The following SDK1 variants were observed in gnomAD, a reference collection of about 807,000 sequenced individuals.
The protein encoded by SDK1 is protein sidekick-1.
In SDK1, 157 loss-of-function variants were observed where a neutral mutation model predicts 245.5. That is an observed-to-expected ratio of 0.64 (90% CI 0.56 to 0.73). SDK1 has a LOEUF of 0.73. SDK1 is among the 30% of genes least tolerant of loss of function. SDK1 has a pLI of 0.00. For missense variants in SDK1, 3,583 were observed against 3,002.3 expected, an observed-to-expected ratio of 1.19 and a Z score of -4.52; for synonymous variants, 1,647 against 1,278.5, an observed-to-expected ratio of 1.29 and a Z score of -6.15.
chr7:4,055,839 C>T (rs902160714), intron 19 of SDK1, among the ~76,000 whole-genome samples: 3 of 152,060 alleles, frequency 2.0e-5, no homozygotes, highest in Non-Finnish European at 4.4e-5. Flanking sequence ...CTTTCATTTT[C>T]ATCCAGTTCT....
intron 8 of SDK1, among the ~76,000 whole-genome samples, chr7:3,960,722 C>G (rs1375555900): frequency 2.0e-5 from 3 of 152,144 alleles, no homozygotes; most frequent in African/African-American, 7.2e-5. Flanking sequence ...CTTCTCTGTT[C>G]CAGCTCTACT....
chr7:3,912,780 C>T (rs1459671518), intron 5 of SDK1, among the ~76,000 whole-genome samples: 1 of 152,232 alleles, frequency 6.6e-6, no homozygotes, highest in Non-Finnish European at 1.5e-5. Context: ...GGAAGGAGAC[C>T]TAAGGGACTT....
chr7:3,381,747 G>A (rs1781492418), intron 1 of SDK1, among the ~76,000 whole-genome samples: 1 of 152,134 alleles, frequency 6.6e-6, no homozygotes, highest in Admixed American at 6.5e-5. Flanking sequence ...AGGCAGGAAA[G>A]GTGTGTGGAC....
intron 5 of SDK1, among the ~76,000 whole-genome samples, chr7:3,867,838 T>C (rs748898124): frequency 3.9e-5 from 6 of 152,236 alleles, no homozygotes; most frequent in Non-Finnish European, 7.3e-5. Context: ...CTATGTTTTA[T>C]TTCTTCGCTA....
chr7:3,502,646 T>C (rs1440930241), intron 1 of SDK1, among the ~76,000 whole-genome samples: 1 of 152,240 alleles, frequency 6.6e-6, no homozygotes, highest in Non-Finnish European at 1.5e-5. Flanking sequence ...ACCCGTTTTG[T>C]GTAAGTATAC....
intron 14 of SDK1, among the ~76,000 whole-genome samples, chr7:4,000,644 A>G (rs769677792): frequency 5.3e-5 from 8 of 152,142 alleles, no homozygotes; most frequent in South Asian, 2.1e-4. Context: ...CCCTGTTGCT[A>G]TTATGGACTT....
intron 14 of SDK1, among the ~76,000 whole-genome samples, chr7:4,001,363 G>A (rs1785060194): frequency 6.6e-6 from 1 of 152,178 alleles, no homozygotes; most frequent in African/African-American, 2.4e-5. Context: ...GGAGGGAATG[G>A]CTTCTCCAGC....
chr7:3,574,197 A>C (rs10229972), intron 1 of SDK1, among the ~76,000 whole-genome samples: 12 of 151,296 alleles, frequency 7.9e-5, no homozygotes, highest in African/African-American at 2.9e-4. Context: ...GCTCACTGCA[A>C]CCTCCACCTC....
Position 4,247,251 on chromosome 7 carries a change from G to A in SDK1, c.6381+1446G>A, listed in dbSNP as rs368439558. 3.3e-5 allele frequency among the ~76,000 whole-genome samples: 5 copies of A among 152,294 alleles called. 1 individual carries two copies. The East Asian group carries it at 7.7e-4, about 24-fold the overall frequency. ...TTCTTTTCAACTGTGGGTTGTAGAT[G>A]AACTCCCGGCGGGAAGGGCCAGCAG... On this transcript the variant is annotated intron_variant, in intron 44 of 44. Transcript: ENST00000404826.
intron 4 of SDK1, 147 bp from the exon 5 acceptor site, chr7:3,821,303 T>TA: frequency 1.2e-6 from 1 of 856,668 alleles, no homozygotes; most frequent in South Asian, 2.0e-5. Flanking sequence ...GTCGTATTCT[T>TA]AAAGTCGGCC....
intron 10 of SDK1, 53 bp downstream of exon 10, chr7:3,967,487 T>A (rs1782169412): frequency 9.3e-7 from 1 of 1,079,266 alleles, no homozygotes; most frequent in Non-Finnish European, 1.4e-6. Context: ...ACATAACCTA[T>A]CGGGCCAGTG....
chr7:3,635,570 G>T (rs1478428483), intron 2 of SDK1, among the ~76,000 whole-genome samples: 2 of 152,166 alleles, frequency 1.3e-5, no homozygotes, highest in Admixed American at 1.3e-4. Context: ...AGTTTCTCTG[G>T]TTATACTTTG....
chr7:3,848,833 A>G (rs1156585776), intron 5 of SDK1, among the ~76,000 whole-genome samples: 1 of 151,956 alleles, frequency 6.6e-6, no homozygotes, highest in Admixed American at 6.6e-5. Flanking sequence ...CACCATGCCT[A>G]GCAAATTTTT....
At chr7:3,548,446 G>A (rs1042257775) in intron 1 of SDK1, among the ~76,000 whole-genome samples, 3 of 152,184 alleles carry the variant, frequency 2.0e-5, no homozygotes, top group South Asian at 2.1e-4. Context: ...GATAATGCGA[G>A]ATTACGAGTC....
chr7:3,940,282 G>A (rs964194520), intron 5 of SDK1, among the ~76,000 whole-genome samples: 1 of 152,252 alleles, frequency 6.6e-6, no homozygotes, highest in African/African-American at 2.4e-5. Flanking sequence ...ATATCTAAAC[G>A]TGCTTTGCGG....
chr7:3,578,399 C>T (rs1382091903), intron 1 of SDK1, among the ~76,000 whole-genome samples: 1 of 152,006 alleles, frequency 6.6e-6, no homozygotes, highest in Admixed American at 6.6e-5. Context: ...CAAAACAGAA[C>T]TACTGATAAG....
intron 4 of SDK1, among the ~76,000 whole-genome samples, chr7:3,797,435 T>A (rs1009237948): frequency 1.4e-5 from 2 of 146,718 alleles, no homozygotes; most frequent in African/African-American, 5.1e-5. Flanking sequence ...TACAGCCATG[T>A]ACATGTACAA....
At chr7:3,881,661 T>C (rs1466634251) in intron 5 of SDK1, among the ~76,000 whole-genome samples, 1 of 152,320 alleles carries the variant, frequency 6.6e-6, no homozygotes, top group African/African-American at 2.4e-5. Flanking sequence ...TATTTCTGCT[T>C]CTAGATCTTT....
chr7:4,228,784 T>C (rs1372518719), intron 40 of SDK1, among the ~76,000 whole-genome samples: 4 of 152,188 alleles, frequency 2.6e-5, no homozygotes, highest in Admixed American at 2.6e-4. Context: ...GTGATCTGTC[T>C]ACCTCGGTCT....
Sources: gnomAD v4.1 joint callset for allele counts (sites outside exome capture counted in the v4.1 genomes callset) on GRCh38, gnomAD v4.1.1 for gene constraint, MANE v1.5 for transcripts, NCBI Gene and HGNC (gene_info 2026-07-23, HGNC 2026-07-21) for gene names.